The following SPATA31E1 variants were observed in gnomAD, a reference collection of about 807,000 sequenced individuals.
SPATA31E1 encodes the protein SPATA31 subfamily E member 1, also known as spermatogenesis-associated protein 31E1.
A neutral mutation model predicts 12.9 loss-of-function variants in SPATA31E1; 7 were observed. The observed-to-expected ratio is 0.54, with a 90% CI of 0.31 to 1.02. The LOEUF (loss-of-function observed/expected upper bound fraction) is 1.02, where lower values mean the gene tolerates loss of function less well. Among genes scored for constraint, SPATA31E1 ranks in the 50% least tolerant of loss-of-function variants. The pLI is 0.05. For missense variants in SPATA31E1, 1,961 were observed against 1,799.8 expected, an observed-to-expected ratio of 1.09 and a Z score of -1.62; for synonymous variants, 771 against 719.0, an observed-to-expected ratio of 1.07 and a Z score of -1.16.
Position 87,887,802 on chromosome 9 carries a change from G to A in SPATA31E1, c.3315G>A (p.Gln1105=). Residue 1105 remains glutamine, a synonymous_variant, in exon 4 of 4, where the codon CAG becomes CAA. Transcript: ENST00000325643. ...QVVSEIALIV[Q]VDSEEQLPGR... ...TCAGTGAGATTGCGCTCATAGTGCA[G>A]GTGGACTCAGAGGAGCAGCTGCCAG... The A allele has an allele frequency of 1.9e-6, 3 of 1,613,960 alleles. No homozygotes were observed. The highest frequency in any genetic ancestry group is 1.7e-6 in the Non-Finnish European group (2 of 1,180,006).
rs1394671208 is a variant in SPATA31E1 at position 87,888,864 on chromosome 9, G to C, written c.*39G>C. On this transcript the variant is annotated 3_prime_UTR_variant, in exon 4 of 4. Transcript: ENST00000325643. ...TCTTGCATGTCTCCTGGGGGAGACA[G>C]GGGGTTCTACTCAAATAAAACTGAT... 2.0e-6 allele frequency: 3 copies of C among 1,514,616 alleles called. No individual in the cohort carries two copies. The highest frequency in any genetic ancestry group is 2.7e-6 in the Non-Finnish European group (3 of 1,129,684). 93.8% of individuals were successfully genotyped at this position (1,514,616 alleles called of 1,614,324 possible). A position where few individuals can be genotyped will look rare whatever the true frequency, so the allele number is the denominator to read the frequency against.
Position 87,886,563 on chromosome 9 carries a change from G to A in SPATA31E1, c.2076G>A (p.Gln692=). 1.9e-5 allele frequency: 31 copies of A among 1,614,116 alleles called. No individual in the cohort carries two copies. The highest frequency in any genetic ancestry group is 2.6e-5 in the Non-Finnish European group (31 of 1,180,036). The change falls in exon 4 of 4, where the codon CAG becomes CAA. Residue 692 remains glutamine, a synonymous_variant. Transcript: ENST00000325643. ...CAGGGAAGGGCAGGAAGGATGTGCA[G>A]AAGACCGGGTTCAGGAGCTCCGGAA... is the stretch of plus-strand genomic sequence containing the variant. ...DFAGKGRKDV[Q]KTGFRSSGRF... is the part of the protein sequence containing the mutation.
chr9:87,887,101 C>T lies in SPATA31E1; in HGVS notation c.2614C>T (p.Gln872Ter). 5 of 1,614,142 alleles carry T rather than the reference C, an allele frequency of 3.1e-6. No homozygotes were observed. Among genetic ancestry groups the T allele is most frequent in the South Asian group, 1.1e-5 (1 of 91,086 alleles). ...SGEAQAPPFP[Q>*]STFTPWASWV... is the part of the protein sequence containing the mutation. ...TGAGGCTCAGGCCCCGCCCTTCCCA[C>T]AATCCACCTTTACCCCCTGGGCCTC... is the stretch of plus-strand genomic sequence containing the variant. The change falls in exon 4 of 4, where the codon CAA becomes TAA. Residue 872 changes from glutamine (Q) to a stop codon, truncating the protein, a stop_gained. Transcript: ENST00000325643. LOFTEE classifies it low-confidence loss of function (END_TRUNC).
chr9:87,888,245 A>C lies in SPATA31E1; in HGVS notation c.3758A>C (p.Glu1253Ala), dbSNP rs1411126874. The change falls in exon 4 of 4, where the codon GAG (glutamate) becomes GCG (alanine). Residue 1253 changes from glutamate (E) to alanine (A), a missense_variant. Physicochemically the swap from Glu to Ala is moderately radical, Grantham distance 107. Transcript: ENST00000325643. ...QERKYNQLQLEKGQTPPESHF... is the reference protein window; with the variant it reads ...QERKYNQLQLAKGQTPPESHF... Reference sequence around the variant, plus strand: ...AGGAAATACAACCAGCTTCAGCTGGAGAAGGGACAGACACCACCAGAAAGC... The same window carrying C: ...AGGAAATACAACCAGCTTCAGCTGGCGAAGGGACAGACACCACCAGAAAGC... 3.7e-6 allele frequency: 6 copies of C among 1,614,034 alleles called. No individual in the cohort carries two copies. The African/African-American group carries it at 8.0e-5, about 22-fold the overall frequency.
chr9:87,887,520 C>T lies in SPATA31E1; in HGVS notation c.3033C>T (p.Pro1011=), dbSNP rs548179502. Reference sequence around the variant, plus strand: ...GTGAGAGCATGTCCCCAGGAGACCCCTGTAGTAGCAGAGCCCTGCAAGTGC... The same window carrying T: ...GTGAGAGCATGTCCCCAGGAGACCCTTGTAGTAGCAGAGCCCTGCAAGTGC... The part of the protein sequence containing the change: ...LESESMSPGD[P]CSSRALQVLS... Residue 1011 remains proline, a synonymous_variant, in exon 4 of 4, where the codon CCC becomes CCT. Coordinates refer to ENST00000325643, the MANE Select transcript of SPATA31E1 (RefSeq NM_178828.5). 15 of 1,614,028 alleles carry T rather than the reference C, an allele frequency of 9.3e-6. No individual in the cohort carries two copies. The highest frequency in any genetic ancestry group is 1.3e-5 in the Non-Finnish European group (15 of 1,180,030).
In SPATA31E1 at chr9:87,885,004, G is replaced by T. The variant is rs1828239395; in HGVS notation, c.517G>T (p.Ala173Ser). 1 of 1,613,956 alleles carries T rather than the reference G, an allele frequency of 6.2e-7. No homozygotes were observed. The highest frequency in any genetic ancestry group is 8.5e-7 in the Non-Finnish European group (1 of 1,179,998). The change falls in exon 4 of 4, where the codon GCC (alanine) becomes TCC (serine). Residue 173 changes from alanine (A) to serine (S), a missense_variant. By Grantham distance (99) the Ala-to-Ser change is moderately conservative. Transcript: ENST00000325643. ...GDVCKPVPAKAHQPHGKCMQD... is the reference protein window; with the variant it reads ...GDVCKPVPAKSHQPHGKCMQD... ...CGTGTGTAAACCAGTGCCTGCTAAG[G>T]CCCACCAGCCGCATGGGAAATGCAT...
At chr9:87,884,374 C>G (rs559250591) in intron 2 of SPATA31E1, among the ~76,000 whole-genome samples, 2 of 152,232 alleles carry the variant, frequency 1.3e-5, no homozygotes, top group African/African-American at 2.4e-5. Flanking sequence ...GTTGTGACAC[C>G]GATGAGGGGG....
chr9:87,888,115 C>T lies in SPATA31E1; in HGVS notation c.3628C>T (p.Pro1210Ser), dbSNP rs774049804. Residue 1210 changes from proline to serine, a missense_variant, in exon 4 of 4, where the codon CCC (proline) becomes TCC (serine). Coordinates refer to ENST00000325643, the MANE Select transcript of SPATA31E1 (RefSeq NM_178828.5). The part of the protein sequence containing the change: ...CADKGEAHRR[P>S]RTGEQGHRSK... Reference sequence around the variant, plus strand: ...GGACAAGGGCGAGGCCCACAGGAGGCCCAGAACAGGGGAGCAGGGACACAG... The same window carrying T: ...GGACAAGGGCGAGGCCCACAGGAGGTCCAGAACAGGGGAGCAGGGACACAG... 5 of 1,605,340 alleles carry T rather than the reference C, an allele frequency of 3.1e-6. No homozygotes were observed. The East Asian group carries it at 1.1e-4, about 36-fold the overall frequency.
At position 87,885,653 on chromosome 9, in the gene SPATA31E1, C is replaced by T. The variant is rs751293516; in HGVS notation, c.1166C>T (p.Pro389Leu). 20 of 1,613,706 alleles carry T rather than the reference C, an allele frequency of 1.2e-5. No individual in the cohort carries two copies. Among genetic ancestry groups the T allele is most frequent in the East Asian group, 4.5e-5 (2 of 44,876 alleles). Residue 389 changes from proline (P) to leucine (L), a missense_variant, in exon 4 of 4, where the codon CCG (proline) becomes CTG (leucine). By Grantham distance (98) the Pro-to-Leu change is moderately conservative. Coordinates refer to ENST00000325643, the MANE Select transcript of SPATA31E1 (RefSeq NM_178828.5). ...QEKERKRADH[P>L]HMTSLGKEWD... ...AAAGAAAGAAAACGGGCCGACCACCCGCACATGACATCACTGGGGAAGGAG... is the reference window on the plus strand; with the variant it reads ...AAAGAAAGAAAACGGGCCGACCACCTGCACATGACATCACTGGGGAAGGAG...
At position 87,883,283 on chromosome 9, in the gene SPATA31E1, G is replaced by A. The variant is rs970085440; in HGVS notation, c.309+83G>A. The A allele has an allele frequency of 5.3e-6, 8 of 1,501,248 alleles. No homozygotes were observed. In the Middle Eastern group the frequency reaches 7.3e-4, roughly 136 times the overall value. 93.0% of individuals were successfully genotyped at this position (1,501,248 alleles called of 1,614,324 possible). A position where few individuals can be genotyped will look rare whatever the true frequency, so the allele number is the denominator to read the frequency against. The stretch of plus-strand genomic sequence containing the variant: ...CATTTCCACTTTTCCTAAGCAATGT[G>A]AGACCCTTCTGTGATGGGAAATCTC... On this transcript the variant is annotated intron_variant, in intron 1 of 3. Transcript: ENST00000325643.
chr9:87,885,259 C>A lies in SPATA31E1; in HGVS notation c.772C>A (p.Pro258Thr), dbSNP rs1420353409. Residue 258 changes from proline to threonine, a missense_variant, in exon 4 of 4, where the codon CCA becomes ACA. Transcript: ENST00000325643. Reference protein sequence around the residue: ...PHGPLASSPPPPDSSLAGLQC... With the variant: ...PHGPLASSPPTPDSSLAGLQC... ...TGGTCCCCTGGCCTCCTCTCCACCT[C>A]CACCCGACTCCAGCCTGGCTGGACT... The A allele has an allele frequency of 6.2e-6, 10 of 1,614,122 alleles. No homozygotes were observed. In the African/African-American group the frequency reaches 9.3e-5, roughly 15 times the overall value.
chr9:87,886,355 A>G lies in SPATA31E1; in HGVS notation c.1868A>G (p.Glu623Gly). The change falls in exon 4 of 4, where the codon GAG becomes GGG. Residue 623 changes from glutamate to glycine, a missense_variant. By Grantham distance (98) the Glu-to-Gly change is moderately conservative. Transcript: ENST00000325643. ...PILPGVVTSP[E>G]LPEHWWQGRN... ...CTTCCCGGGGTTGTCACCAGCCCTG[A>G]GCTCCCAGAGCACTGGTGGCAAGGA... 6.2e-7 allele frequency: 1 copy of G among 1,613,422 alleles called. No individual in the cohort carries two copies. Among genetic ancestry groups the G allele is most frequent in the Non-Finnish European group, 8.5e-7 (1 of 1,179,762 alleles).
At chr9:87,884,309 C>G (rs1211775489) in intron 2 of SPATA31E1, among the ~76,000 whole-genome samples, 2 of 152,210 alleles carry the variant, frequency 1.3e-5, no homozygotes, top group Non-Finnish European at 2.9e-5. Context: ...AGCTGTTCAC[C>G]TCAGCAATGG....
chr9:87,888,814 C>G lies in SPATA31E1; in HGVS notation c.4327C>G (p.Leu1443Val). 1 of 1,603,624 alleles carries G rather than the reference C, an allele frequency of 6.2e-7. No homozygotes were observed. Among genetic ancestry groups the G allele is most frequent in the Non-Finnish European group, 8.5e-7 (1 of 1,175,282 alleles). The change falls in exon 4 of 4, where the codon CTT (leucine) becomes GTT (valine). Residue 1443 changes from leucine to valine, a missense_variant. Physicochemically the swap from Leu to Val is conservative, Grantham distance 32. Transcript: ENST00000325643. ...LQELMSAQRC[L>V]AS ...GGAACTGATGTCTGCACAGAGGTGT[C>G]TTGCCTCCTGAACTAGACCAGTCTT...
In SPATA31E1 at chr9:87,884,665, C is replaced by T; in HGVS notation, c.425+14C>T. 1.2e-6 allele frequency: 2 copies of T among 1,614,078 alleles called. No individual in the cohort carries two copies. Among genetic ancestry groups the T allele is most frequent in the Non-Finnish European group, 1.7e-6 (2 of 1,179,936 alleles). On this transcript the variant is annotated intron_variant, in intron 3 of 3. Transcript: ENST00000325643. ...CCTTCTGGAAAGGTGAGGAGCTTCC[C>T]CCTTCTGTCCCTGTCCTCCTTCCTA...
At chr9:87,884,497 C>G (rs939293679) in intron 2 of SPATA31E1, 94 bp from the exon 3 acceptor site, 39 of 1,320,854 alleles carry the variant, frequency 3.0e-5, no homozygotes, top group Non-Finnish European at 4.1e-5. Context: ...AGGGTCTAGT[C>G]CCCCATGGTG....
rs748665200 is a variant in SPATA31E1 at position 87,885,969 on chromosome 9, G to A, written c.1482G>A (p.Pro494=). 1.3e-5 allele frequency: 21 copies of A among 1,613,190 alleles called. No homozygotes were observed. The highest frequency in any genetic ancestry group is 2.2e-5 in the South Asian group (2 of 91,064). The part of the protein sequence containing the change: ...VEASSQLSQA[P]PQPHHMAQPQ... ...CATCCTCACAGCTTTCCCAGGCACCGCCCCAGCCCCACCACATGGCCCAGC... is the reference window on the plus strand; with the variant it reads ...CATCCTCACAGCTTTCCCAGGCACCACCCCAGCCCCACCACATGGCCCAGC... Residue 494 remains proline, a synonymous_variant, in exon 4 of 4, where the codon CCG becomes CCA. Coordinates refer to ENST00000325643, the MANE Select transcript of SPATA31E1 (RefSeq NM_178828.5).
chr9:87,887,570 G>A lies in SPATA31E1; in HGVS notation c.3083G>A (p.Arg1028Lys). The A allele has an allele frequency of 6.2e-7, 1 of 1,614,168 alleles. No homozygotes were observed. Among genetic ancestry groups the A allele is most frequent in the Non-Finnish European group, 8.5e-7 (1 of 1,180,036 alleles). ...CTCAGCATAGGGTCCCAGTGGGCAA[G>A]GGCTGAAGATGCCCTGCAGGCACTG... ...QVLSIGSQWA[R>K]AEDALQALKV... The change falls in exon 4 of 4, where the codon AGG (arginine) becomes AAG (lysine). Residue 1028 changes from arginine (R) to lysine (K), a missense_variant. Transcript: ENST00000325643.
chr9:87,884,323 A>C (rs926696088), intron 2 of SPATA31E1, among the ~76,000 whole-genome samples: 2 of 151,678 alleles, frequency 1.3e-5, no homozygotes, highest in Non-Finnish European at 2.9e-5. Flanking sequence ...GCAATGGCTG[A>C]CTCCTCTTTG....
Sources: gnomAD v4.1 joint callset for allele counts (sites outside exome capture counted in the v4.1 genomes callset) on GRCh38, gnomAD v4.1.1 for gene constraint, MANE v1.5 for transcripts, NCBI Gene and HGNC (gene_info 2026-07-23, HGNC 2026-07-21) for gene names.